Variants in SORCS3 observed in about 807,000 individuals in gnomAD.
SORCS3 encodes VPS10 domain-containing receptor SorCS3.
In SORCS3, 57 loss-of-function variants were observed where a neutral mutation model predicts 146.3. The observed-to-expected ratio is 0.39, with a 90% confidence interval of 0.31 to 0.49. The LOEUF is 0.49. Ranked by LOEUF, SORCS3 falls within the 20% of genes least tolerant of loss-of-function variation. The pLI is 0.92. For missense variants in SORCS3, 1,341 were observed against 1,575.5 expected, an observed-to-expected ratio of 0.85 and a Z score of 2.52; for synonymous variants, 653 against 618.5, an observed-to-expected ratio of 1.06 and a Z score of -0.83.
At chr10:105,200,999 T>G in intron 15 of SORCS3, 121 bp from the exon 16 acceptor site, 6 of 1,038,280 alleles carry the variant, frequency 5.8e-6, no homozygotes, top group Non-Finnish European at 8.3e-6. Flanking sequence ...TTACTGAGAA[T>G]GAGACTGCTA....
At chr10:104,791,177 T>A (rs997938703) in intron 1 of SORCS3, among the ~76,000 whole-genome samples, 1 of 152,022 alleles carries the variant, frequency 6.6e-6, no homozygotes, top group Admixed American at 6.6e-5. Context: ...GGTGTGTATG[T>A]CTGAGAAAGG....
intron 6 of SORCS3, among the ~76,000 whole-genome samples, chr10:105,100,353 T>G (rs1243568857): frequency 6.6e-6 from 1 of 152,258 alleles, no homozygotes; most frequent in Non-Finnish European, 1.5e-5. Flanking sequence ...GAGATCTTTC[T>G]ACTGTCTGTT....
At chr10:105,155,750 G>C (rs697186) in intron 9 of SORCS3, among the ~76,000 whole-genome samples, 72,777 of 151,952 alleles carry the variant, frequency 0.48, 17,971 homozygotes, top group Non-Finnish European at 0.53. Context: ...TCATGCCCCT[G>C]CCCTACCTTG....
At chr10:105,162,615 G>T (rs1451455056) in intron 11 of SORCS3, among the ~76,000 whole-genome samples, 1 of 152,146 alleles carries the variant, frequency 6.6e-6, no homozygotes, top group African/African-American at 2.4e-5. Context: ...TTCTTTCAGA[G>T]GTCTCTTCAA....
chr10:104,992,818 G>A (rs2055002589), intron 4 of SORCS3, among the ~76,000 whole-genome samples: 1 of 152,192 alleles, frequency 6.6e-6, no homozygotes. Flanking sequence ...TGCCTAGACA[G>A]ACTTTACCTA....
rs1252219138 is a variant in SORCS3, at chr10:104,975,083, TAA to T, written c.796-2250_796-2249del. 2.0e-5 allele frequency among the ~76,000 whole-genome samples: 3 copies of T among 152,196 alleles called. No homozygotes were observed. In the East Asian group the frequency reaches 5.8e-4, roughly 29 times the overall value. On this transcript the variant is annotated intron_variant, in intron 3 of 26. Transcript: ENST00000369701. ...GAGATCCCCTGTTAGGAGAAGGAAA[TAA>T]AGGGTATTCAATTAGGAAAAGAGGA...
intron 1 of SORCS3, among the ~76,000 whole-genome samples, chr10:104,772,102 G>T (rs2017256191): frequency 6.6e-6 from 1 of 152,186 alleles, no homozygotes; most frequent in Non-Finnish European, 1.5e-5. Context: ...GGCGTCTTGG[G>T]TGTTGCAACC....
intron 22 of SORCS3, among the ~76,000 whole-genome samples, chr10:105,248,745 T>C (rs1348803052): frequency 6.6e-6 from 1 of 151,352 alleles, no homozygotes; most frequent in African/African-American, 2.4e-5. Flanking sequence ...TACAACATAT[T>C]TGGGAAATGG....
chr10:104,773,034 G>T (rs529593841), intron 1 of SORCS3, among the ~76,000 whole-genome samples: 60 of 152,272 alleles, frequency 3.9e-4, no homozygotes, highest in African/African-American at 1.4e-3. Flanking sequence ...GTACTGTGGG[G>T]GTATCTCATG....
At chr10:104,704,773 C>A (rs569177690) in intron 1 of SORCS3, among the ~76,000 whole-genome samples, 1 of 152,280 alleles carries the variant, frequency 6.6e-6, no homozygotes, top group South Asian at 2.1e-4. Flanking sequence ...ATCATCTTTG[C>A]CATCTTATGT....
At chr10:104,643,316 G>A (rs1259492026) in intron 1 of SORCS3, among the ~76,000 whole-genome samples, 1 of 152,122 alleles carries the variant, frequency 6.6e-6, no homozygotes, top group Non-Finnish European at 1.5e-5. Context: ...TCCAGGATTG[G>A]GTATCTAATA....
intron 13 of SORCS3, among the ~76,000 whole-genome samples, chr10:105,171,230 T>A (rs1189653400): frequency 6.6e-6 from 1 of 152,194 alleles, no homozygotes; most frequent in Non-Finnish European, 1.5e-5. Flanking sequence ...GGTAGCCAGA[T>A]AGGCGTGAAC....
intron 1 of SORCS3, among the ~76,000 whole-genome samples, chr10:104,789,831 G>C (rs2017476306): frequency 6.6e-6 from 1 of 152,162 alleles, no homozygotes; most frequent in Admixed American, 6.5e-5. Flanking sequence ...AAGAACCTCT[G>C]GCTGTGTGAT....
At chr10:105,050,714 GT>G (rs1168588650) in intron 5 of SORCS3, among the ~76,000 whole-genome samples, 2 of 152,086 alleles carry the variant, frequency 1.3e-5, no homozygotes, top group Non-Finnish European at 2.9e-5. Flanking sequence ...TAGCTCCTAA[GT>G]TTTGTAGTAA....
intron 4 of SORCS3, among the ~76,000 whole-genome samples, chr10:105,007,557 G>A (rs1041867864): frequency 1.3e-5 from 2 of 152,150 alleles, no homozygotes; most frequent in Non-Finnish European, 2.9e-5. Flanking sequence ...GTTTGTGAGA[G>A]GGAAGAAAGT....
At chr10:104,684,686 GATA>G (rs554136576) in intron 1 of SORCS3, among the ~76,000 whole-genome samples, 132 of 148,508 alleles carry the variant, frequency 8.9e-4, no homozygotes, top group Non-Finnish European at 1.7e-3. Context: ...TGAGGATAAT[GATA>G]ATATCAATTT....
At chr10:105,252,682 A>T in intron 22 of SORCS3, 93 bp from the exon 23 acceptor site, 1 of 1,507,980 alleles carries the variant, frequency 6.6e-7, no homozygotes, top group Non-Finnish European at 9.0e-7. Context: ...AAAAACTCAC[A>T]TGAGCCATCT....
intron 16 of SORCS3, among the ~76,000 whole-genome samples, chr10:105,201,531 T>C (rs980083219): frequency 2.6e-5 from 4 of 152,184 alleles, no homozygotes; most frequent in Non-Finnish European, 1.5e-5. Flanking sequence ...GCAGCTGTAT[T>C]GGAAACTACT....
At chr10:104,646,046 G>A (rs558680700) in intron 1 of SORCS3, among the ~76,000 whole-genome samples, 7 of 152,278 alleles carry the variant, frequency 4.6e-5, no homozygotes, top group African/African-American at 1.7e-4. Context: ...AGTATTACAA[G>A]GGGAAACCAT....
Sources: gnomAD v4.1 joint callset for allele counts (sites outside exome capture counted in the v4.1 genomes callset) on GRCh38, gnomAD v4.1.1 for gene constraint, MANE v1.5 for transcripts, NCBI Gene and HGNC (gene_info 2026-07-23, HGNC 2026-07-21) for gene names.